ART4: variants seen among roughly 807,000 people sequenced by gnomAD.
ART4 encodes the protein ecto-ADP-ribosyltransferase 4.
A neutral mutation model predicts 24.2 loss-of-function variants in ART4; 14 were observed. That is an observed-to-expected ratio of 0.58 (90% confidence interval 0.38 to 0.90). The LOEUF is 0.90. Among genes scored for constraint, ART4 ranks in the 40% least tolerant of loss-of-function variants. ART4 has a pLI of 0.00. For missense variants in ART4, 356 were observed against 366.6 expected (o/e 0.97, Z 0.24); for synonymous variants, 145 against 139.9 (o/e 1.04, Z -0.26).
rs1950359701 is a variant in ART4 at position 14,826,334 on chromosome 12, T to G, written c.*3037A>C. On this transcript the variant is annotated 3_prime_UTR_variant, in exon 3 of 3. Transcript: ENST00000228936. ...TTGATCTGTAAAACAGCAGCAGGAG[T>G]TAGAACTAAGTTATCTTTTTTAGAA... 1 of 152,150 alleles carries G rather than the reference T, an allele frequency of 6.6e-6. No homozygotes were observed. Among genetic ancestry groups the G allele is most frequent in the African/African-American group, 2.4e-5 (1 of 41,420 alleles). The allele number at this position is 152,150 out of a possible 1,614,324, so 9.4% of individuals were successfully genotyped here.
intron 2 of ART4, among the ~76,000 whole-genome samples, chr12:14,830,245 AT>A (rs1259640604): frequency 6.6e-6 from 1 of 151,812 alleles, no homozygotes; most frequent in African/African-American, 2.4e-5. Flanking sequence ...ATAAAAAAAA[AT>A]ATTGTCAGAT....
chr12:14,840,995 G>C lies in ART4; in HGVS notation c.303C>G (p.His101Gln), dbSNP rs772253839. ...CTTTTCCTTGGTTAAGCCAGGCTAA[G>C]TGGGCTTTTTGCCACATCCTAAAAT... The part of the protein sequence containing the change: ...KNYFRMWQKA[H>Q]LAWLNQGKVL... Residue 101 changes from histidine to glutamine, a missense_variant, in exon 2 of 3, where the codon CAC becomes CAG. Transcript: ENST00000228936. The C allele has an allele frequency of 3.7e-6, 6 of 1,614,186 alleles. No homozygotes were observed. Among genetic ancestry groups the C allele is most frequent in the Non-Finnish European group, 5.1e-6 (6 of 1,180,040 alleles).
chr12:14,836,504 T>A (rs1950432111), intron 2 of ART4, among the ~76,000 whole-genome samples: 1 of 152,226 alleles, frequency 6.6e-6, no homozygotes, highest in South Asian at 2.1e-4. Context: ...AACTTAGGAA[T>A]TCTTTATCTC....
rs865993516 is a variant in ART4, at chr12:14,826,461, C to G, written c.*2910G>C. ...AGAGGACTTATTAAAACAGACTGTT[C>G]AATTTCTGTAGTCTGTAGTCTGGGA... is the stretch of plus-strand genomic sequence containing the variant. On this transcript the variant is annotated 3_prime_UTR_variant, in exon 3 of 3. Transcript: ENST00000228936. The G allele has an allele frequency of 6.6e-6, 1 of 152,192 alleles. No individual in the cohort carries two copies. Among genetic ancestry groups the G allele is most frequent in the Non-Finnish European group, 1.5e-5 (1 of 68,032 alleles). The allele number at this position is 152,192 out of a possible 1,614,324, so 9.4% of individuals were successfully genotyped here. A position where few individuals can be genotyped will look rare whatever the true frequency, so the allele number is the denominator to read the frequency against.
intron 2 of ART4, among the ~76,000 whole-genome samples, chr12:14,830,649 G>GTGTATATGTA (rs1184732964): frequency 2.7e-4 from 7 of 25,922 alleles, no homozygotes; most frequent in African/African-American, 8.2e-4. Flanking sequence ...CTGTATGTAT[G>GTGTATATGTA]TATATATATA....
Position 14,829,192 on chromosome 12 carries a change from CA to C in ART4, c.*178del. On this transcript the variant is annotated 3_prime_UTR_variant, in exon 3 of 3. Transcript: ENST00000228936. ...TTAGGGTGCCCAGATTGAAATAAGG[CA>C]AAGGGGTACAAGGAAAGGCATAAGA... The C allele has an allele frequency of 2.2e-6, 1 of 452,438 alleles. No individual in the cohort carries two copies. The highest frequency in any genetic ancestry group is 3.8e-6 in the Non-Finnish European group (1 of 262,372). The allele number at this position is 452,438 out of a possible 1,614,324, so 28.0% of individuals were successfully genotyped here.
In ART4 at chr12:14,827,700, C is replaced by G. The variant is rs1950368189; in HGVS notation, c.*1671G>C. ...TACAGGGGTGAGCCACCATGCCTGG[C>G]AGAAATTCTTTCCTTTATTGACTGT... On this transcript the variant is annotated 3_prime_UTR_variant, in exon 3 of 3. Transcript: ENST00000228936. 6.6e-6 allele frequency: 1 copy of G among 152,238 alleles called. No individual in the cohort carries two copies. The highest frequency in any genetic ancestry group is 6.5e-5 in the Admixed American group (1 of 15,276). 9.4% of individuals were successfully genotyped at this position (152,238 alleles called of 1,614,324 possible). A position where few individuals can be genotyped will look rare whatever the true frequency, so the allele number is the denominator to read the frequency against.
At chr12:14,841,725 C>T (rs12426616) in intron 1 of ART4, among the ~76,000 whole-genome samples, 45,962 of 152,062 alleles carry the variant, frequency 0.3, 7,649 homozygotes, top group Non-Finnish European at 0.37. Flanking sequence ...AAAAAGGGCA[C>T]GCTACAGCAG....
chr12:14,834,807 T>C (rs1950418788), intron 2 of ART4, among the ~76,000 whole-genome samples: 1 of 152,218 alleles, frequency 6.6e-6, no homozygotes, highest in Non-Finnish European at 1.5e-5. Context: ...GATGGAATAA[T>C]TAGAGAGGAA....
intron 1 of ART4, 71 bp from the exon 2 acceptor site, chr12:14,841,224 A>G: frequency 7.1e-7 from 1 of 1,409,060 alleles, no homozygotes; most frequent in Non-Finnish European, 9.7e-7. Flanking sequence ...GATTTGCTGT[A>G]CTCTATAAGG....
At chr12:14,839,872 C>G (rs997765443) in intron 2 of ART4, among the ~76,000 whole-genome samples, 12 of 152,188 alleles carry the variant, frequency 7.9e-5, no homozygotes, top group Non-Finnish European at 1.8e-4. Flanking sequence ...GAATGAGTAG[C>G]TCCCTGCACT....
At chr12:14,842,379 T>C (rs1178115415) in intron 1 of ART4, among the ~76,000 whole-genome samples, 1 of 152,210 alleles carries the variant, frequency 6.6e-6, no homozygotes, top group Admixed American at 6.5e-5. Context: ...GTTTGTGAAC[T>C]AGAACACATT....
intron 2 of ART4, among the ~76,000 whole-genome samples, chr12:14,837,622 T>C (rs1950439530): frequency 6.6e-6 from 1 of 152,200 alleles, no homozygotes; most frequent in Admixed American, 6.5e-5. Context: ...CAAGCGATTC[T>C]CCTACCTCAG....
chr12:14,827,057 C>CTTT lies in ART4; in HGVS notation c.*2311_*2313dup, dbSNP rs150281276. 4.0e-4 allele frequency: 57 copies of CTTT among 142,918 alleles called. 1 individual carries two copies. The highest frequency in any genetic ancestry group is 3.6e-3 in the South Asian group (16 of 4,486). The allele number at this position is 142,918 out of a possible 1,614,324, so 8.9% of individuals were successfully genotyped here. A position where few individuals can be genotyped will look rare whatever the true frequency, so the allele number is the denominator to read the frequency against. ...TATGAACAGAAAACTTGATTTTTGC[C>CTTT]TTTTTTTTTTTTGGCATTTCACTTG... On this transcript the variant is annotated 3_prime_UTR_variant, in exon 3 of 3. Transcript: ENST00000228936.
chr12:14,841,025 C>T lies in ART4; in HGVS notation c.273G>A (p.Lys91=). The T allele has an allele frequency of 2.5e-6, 4 of 1,614,174 alleles. No individual in the cohort carries two copies. The East Asian group carries it at 6.7e-5, about 27-fold the overall frequency. The change falls in exon 2 of 3, where the codon AAG becomes AAA. Residue 91 remains lysine (K), a synonymous_variant. Transcript: ENST00000228936. Reference sequence around the variant, plus strand: ...CTTTTTGCCACATCCTAAAATAATTCTTCTGGGCTTCTATGTCTTTTGTGA... The same window carrying T: ...CTTTTTGCCACATCCTAAAATAATTTTTCTGGGCTTCTATGTCTTTTGTGA... ...DYFTKDIEAQ[K]NYFRMWQKAH... is the part of the protein sequence containing the mutation.
At position 14,841,124 on chromosome 12, in the gene ART4, T is replaced by C; in HGVS notation, c.174A>G (p.Ala58=). 6.3e-7 allele frequency: 1 copy of C among 1,575,432 alleles called. No individual in the cohort carries two copies. Among genetic ancestry groups the C allele is most frequent in the Non-Finnish European group, 8.6e-7 (1 of 1,164,676 alleles). ...GGTACTGATCATCAAAAGAACCTGG[T>C]GCGAAGTCGAAGTCGATTTTAATTG... is the stretch of plus-strand genomic sequence containing the variant. ...EVAIKIDFDF[A]PGSFDDQYQG... The change falls in exon 2 of 3, where the codon GCA becomes GCG. Residue 58 remains alanine (A), a synonymous_variant. Transcript: ENST00000228936.
intron 2 of ART4, among the ~76,000 whole-genome samples, chr12:14,839,243 C>G (rs1184430730): frequency 6.6e-6 from 1 of 152,128 alleles, no homozygotes; most frequent in Non-Finnish European, 1.5e-5. Context: ...GATAAATCCC[C>G]TCCTCCCTTC....
rs1950377753 is a variant in ART4, at chr12:14,829,286, A to G, written c.*85T>C. On this transcript the variant is annotated 3_prime_UTR_variant, in exon 3 of 3. Coordinates refer to ENST00000228936, the MANE Select transcript of ART4 (RefSeq NM_021071.4). ...ATGATGGGATCATCCTTCCTGGAAA[A>G]TAAATGTCCATTTCTAGCCAAAAGG... The G allele has an allele frequency of 3.2e-6, 3 of 944,200 alleles. No individual in the cohort carries two copies. Among genetic ancestry groups the G allele is most frequent in the Non-Finnish European group, 3.1e-6 (2 of 654,028 alleles). The allele number at this position is 944,200 out of a possible 1,614,324, so 58.5% of individuals were successfully genotyped here. A position where few individuals can be genotyped will look rare whatever the true frequency, so the allele number is the denominator to read the frequency against.
rs1165210346 is a variant in ART4 at position 14,841,799 on chromosome 12, G to A, written c.145-646C>T. On this transcript the variant is annotated intron_variant, in intron 1 of 2. Coordinates refer to ENST00000228936, the MANE Select transcript of ART4 (RefSeq NM_021071.4). Reference sequence around the variant, plus strand: ...GCAAATTCCAGAATGGGACCGACTCGTTTGCAGGCAGTACTGAACTGGGGC... The same window carrying A: ...GCAAATTCCAGAATGGGACCGACTCATTTGCAGGCAGTACTGAACTGGGGC... 4.6e-5 allele frequency among the ~76,000 whole-genome samples: 7 copies of A among 152,224 alleles called. No individual in the cohort carries two copies. The South Asian group carries it at 6.2e-4, about 14-fold the overall frequency.
Sources: allele counts gnomAD v4.1 joint callset (sites outside exome capture counted in the v4.1 genomes callset), GRCh38; gene constraint gnomAD v4.1.1; transcripts MANE v1.5; gene names NCBI Gene and HGNC (gene_info 2026-07-23, HGNC 2026-07-21).